GRM8: variants seen among roughly 807,000 people sequenced by gnomAD.
GRM8 encodes the protein metabotropic glutamate receptor 8.
In GRM8, 47 loss-of-function variants were observed where a neutral mutation model predicts 87.2. That is an observed-to-expected ratio of 0.54 (90% CI 0.43 to 0.69). The LOEUF is 0.69. Ranked by LOEUF, GRM8 falls within the 30% of genes least tolerant of loss-of-function variation. GRM8 has a pLI of 0.00. For synonymous variants in GRM8, 396 were observed against 404.5 expected (o/e 0.98, Z 0.25); for missense variants, 1,019 against 1,139.2 (o/e 0.89, Z 1.52).
In GRM8 at chr7:126,788,420, A is replaced by ACAAAAAAAAAAAACAAAAAACAAAAAAC. The variant is rs1554492200; in HGVS notation, c.1157-18356_1157-18355insGTTTTTTGTTTTTTGTTTTTTTTTTTTG. On this transcript the variant is annotated intron_variant, in intron 6 of 10. Transcript: ENST00000339582. ...GCAAGACTCCATCTCAAAAAAAAAAAAAACCCTTTCAGATATCTTTAACAT... is the reference window on the plus strand; with the variant it reads ...GCAAGACTCCATCTCAAAAAAAAAAACAAAAAAAAAAAACAAAAAACAAAAAACAAACCCTTTCAGATATCTTTAACAT... 4.9e-5 allele frequency among the ~76,000 whole-genome samples: 4 copies of ACAAAAAAAAAAAACAAAAAACAAAAAAC among 81,138 alleles called. 1 individual carries two copies. Among genetic ancestry groups the ACAAAAAAAAAAAACAAAAAACAAAAAAC allele is most frequent in the African/African-American group, 1.8e-4 (4 of 21,784 alleles). The allele number at this position is 81,138 out of a possible 152,430, so 53.2% of individuals were successfully genotyped here.
chr7:127,110,355 C>G (rs1344526105), intron 2 of GRM8, among the ~76,000 whole-genome samples: 1 of 152,202 alleles, frequency 6.6e-6, no homozygotes, highest in Non-Finnish European at 1.5e-5. Flanking sequence ...TAGCCCTTCT[C>G]TAGCCACCTG....
chr7:126,781,130 T>C (rs115951143), intron 6 of GRM8, among the ~76,000 whole-genome samples: 1,935 of 152,266 alleles, frequency 0.013, 48 homozygotes, highest in African/African-American at 0.044. Context: ...CAACAGTGTC[T>C]AGGACAGAAA....
At chr7:126,720,596 TA>T (rs1327441134) in intron 7 of GRM8, among the ~76,000 whole-genome samples, 1 of 152,186 alleles carries the variant, frequency 6.6e-6, no homozygotes, top group African/African-American at 2.4e-5. Flanking sequence ...ACAGAAAGGA[TA>T]AGTAGATTAT....
chr7:126,900,934 T>C (rs1802015670), intron 6 of GRM8, among the ~76,000 whole-genome samples: 3 of 152,126 alleles, frequency 2.0e-5, no homozygotes, highest in South Asian at 4.1e-4. Context: ...GCAAATCTTC[T>C]TGAACCGAGT....
At chr7:127,148,534 T>G (rs1828672682) in intron 2 of GRM8, among the ~76,000 whole-genome samples, 1 of 151,954 alleles carries the variant, frequency 6.6e-6, no homozygotes, top group Admixed American at 6.6e-5. Context: ...ACATTTTTCT[T>G]CAACACACAT....
intron 1 of GRM8, among the ~76,000 whole-genome samples, chr7:127,249,197 G>C (rs193227542): frequency 6.6e-6 from 1 of 152,246 alleles, no homozygotes; most frequent in Non-Finnish European, 1.5e-5. Flanking sequence ...GGCTCTCCTA[G>C]ATATTCCTAC....
intron 7 of GRM8, among the ~76,000 whole-genome samples, chr7:126,724,813 CT>C (rs973308024): frequency 6.6e-6 from 1 of 150,432 alleles, no homozygotes; most frequent in African/African-American, 2.4e-5. Flanking sequence ...CTCCTGTTAT[CT>C]TCAAAACTGA....
At chr7:126,950,802 C>T (rs1471225289) in intron 3 of GRM8, among the ~76,000 whole-genome samples, 1 of 152,104 alleles carries the variant, frequency 6.6e-6, no homozygotes, top group African/African-American at 2.4e-5. Context: ...ATTCACCGTA[C>T]TAGTAAGTTG....
chr7:127,025,166 A>G (rs554620721), intron 3 of GRM8, among the ~76,000 whole-genome samples: 1 of 152,126 alleles, frequency 6.6e-6, no homozygotes, highest in East Asian at 1.9e-4. Context: ...TATTCATTTT[A>G]AAATATCCAT....
chr7:126,989,042 ACTT>A (rs561371958), intron 3 of GRM8, among the ~76,000 whole-genome samples: 263 of 152,248 alleles, frequency 1.7e-3, no homozygotes, highest in African/African-American at 6.2e-3. Flanking sequence ...ACCTCACTAA[ACTT>A]CTCCCAAACA....
chr7:126,572,470 A>G (rs1794767290), intron 8 of GRM8, among the ~76,000 whole-genome samples: 1 of 152,214 alleles, frequency 6.6e-6, no homozygotes, highest in Admixed American at 6.5e-5. Context: ...GAGGATGCCA[A>G]GTTACCCCTA....
intron 3 of GRM8, chr7:127,076,271 C>G (rs1168458052): frequency 8.8e-6 from 4 of 454,476 alleles, no homozygotes; most frequent in Non-Finnish European, 1.8e-5. Flanking sequence ...GGCAAATAGA[C>G]TTTTAATGCT....
chr7:126,826,691 C>T (rs935848732), intron 6 of GRM8, among the ~76,000 whole-genome samples: 4 of 152,096 alleles, frequency 2.6e-5, no homozygotes, highest in Non-Finnish European at 4.4e-5. Context: ...ATGGTAGTTT[C>T]TTTTGCTGTG....
intron 7 of GRM8, among the ~76,000 whole-genome samples, chr7:126,657,771 T>C (rs1358525524): frequency 6.6e-6 from 1 of 151,140 alleles, no homozygotes; most frequent in Non-Finnish European, 1.5e-5. Flanking sequence ...TTCAGTTGTT[T>C]AATTAGTGAG....
At chr7:126,960,499 C>T (rs1486795655) in intron 3 of GRM8, among the ~76,000 whole-genome samples, 1 of 152,040 alleles carries the variant, frequency 6.6e-6, no homozygotes, top group Admixed American at 6.5e-5. Flanking sequence ...CTATACTATT[C>T]TTAGAATGTT....
At chr7:126,804,049 A>G (rs1792393392) in intron 6 of GRM8, among the ~76,000 whole-genome samples, 1 of 152,252 alleles carries the variant, frequency 6.6e-6, no homozygotes, top group Admixed American at 6.5e-5. Context: ...ACTAATCACA[A>G]AAGATGCAGA....
At chr7:126,705,589 C>A (rs1056717089) in intron 7 of GRM8, among the ~76,000 whole-genome samples, 51 of 151,798 alleles carry the variant, frequency 3.4e-4, no homozygotes, top group African/African-American at 1.2e-3. Context: ...TATGTATGGA[C>A]GTATATGAAA....
intron 7 of GRM8, among the ~76,000 whole-genome samples, chr7:126,743,794 G>C (rs776541742): frequency 2.6e-5 from 4 of 151,938 alleles, no homozygotes; most frequent in Non-Finnish European, 4.4e-5. Flanking sequence ...CAGATCCCTA[G>C]GGGGCCCCCA....
At chr7:127,093,184 T>G (rs1050461033) in intron 3 of GRM8, among the ~76,000 whole-genome samples, 6 of 152,156 alleles carry the variant, frequency 3.9e-5, no homozygotes, top group Non-Finnish European at 8.8e-5. Context: ...AAAATTCCTG[T>G]AGCCTAGAGA....
Sources: allele counts gnomAD v4.1 joint callset (sites outside exome capture counted in the v4.1 genomes callset), GRCh38; gene constraint gnomAD v4.1.1; transcripts MANE v1.5; gene names NCBI Gene and HGNC (gene_info 2026-07-23, HGNC 2026-07-21).